The following ASH1L variants were observed in gnomAD, a reference collection of about 807,000 sequenced individuals.
The protein encoded by ASH1L is histone-lysine N-methyltransferase ASH1L.
A neutral mutation model predicts 269.0 loss-of-function variants in ASH1L; 23 were observed. The ratio of observed to expected loss-of-function variants is 0.09; its 90% CI spans 0.06 to 0.12. The LOEUF is 0.12. Ranked by LOEUF, ASH1L falls within the 10% of genes least tolerant of loss-of-function variation. ASH1L has a pLI of 1.00. For synonymous variants in ASH1L, 1,187 were observed against 1,253.5 expected (o/e 0.95, Z 1.12); for missense variants, 2,912 against 3,567.8 (o/e 0.82, Z 4.68).
intron 4 of ASH1L, among the ~76,000 whole-genome samples, chr1:155,456,624 A>G (rs1663882657): frequency 6.6e-6 from 1 of 152,118 alleles, no homozygotes; most frequent in African/African-American, 2.4e-5. Context: ...GCCAAATTCA[A>G]GTTCATATAT....
intron 16 of ASH1L, among the ~76,000 whole-genome samples, chr1:155,353,607 G>C (rs1654113029): frequency 6.6e-6 from 1 of 152,152 alleles, no homozygotes; most frequent in Non-Finnish European, 1.5e-5. Context: ...GATAATATCT[G>C]AACTCAGGAG....
chr1:155,455,826 G>T (rs898497281), intron 4 of ASH1L, among the ~76,000 whole-genome samples: 4 of 152,166 alleles, frequency 2.6e-5, no homozygotes, highest in Non-Finnish European at 4.4e-5. Flanking sequence ...ATCTGTAGGA[G>T]AGGCAGAGAA....
chr1:155,484,744 C>T (rs1035402655), intron 2 of ASH1L, among the ~76,000 whole-genome samples: 1 of 149,144 alleles, frequency 6.7e-6, no homozygotes, highest in Admixed American at 6.7e-5. Flanking sequence ...GCCTGGCCAA[C>T]ATGGTGAAAC....
At chr1:155,344,403 G>C (rs1653058613) in intron 21 of ASH1L, 130 bp from the exon 22 acceptor site, 1 of 669,570 alleles carries the variant, frequency 1.5e-6, no homozygotes, top group African/African-American at 1.8e-5. Flanking sequence ...ATACAAAAAA[G>C]ATGAAAGCAA....
intron 3 of ASH1L, among the ~76,000 whole-genome samples, chr1:155,466,380 A>G (rs900210543): frequency 3.9e-5 from 6 of 152,004 alleles, no homozygotes; most frequent in African/African-American, 1.5e-4. Context: ...ACAAAACAAA[A>G]CAAAAACTCT....
At chr1:155,361,768 G>C (rs1654970752) in intron 12 of ASH1L, among the ~76,000 whole-genome samples, 2 of 151,172 alleles carry the variant, frequency 1.3e-5, no homozygotes, top group South Asian at 2.1e-4. Flanking sequence ...AGCTACTTGG[G>C]AGGCTGAGGC....
At chr1:155,504,543 G>A (rs1301883531) in intron 2 of ASH1L, among the ~76,000 whole-genome samples, 1 of 151,936 alleles carries the variant, frequency 6.6e-6, no homozygotes, top group Non-Finnish European at 1.5e-5. Context: ...TAAAAGTCAG[G>A]TACTTATCTG....
At chr1:155,501,863 A>C (rs1273228120) in intron 2 of ASH1L, among the ~76,000 whole-genome samples, 1 of 151,930 alleles carries the variant, frequency 6.6e-6, no homozygotes, top group African/African-American at 2.4e-5. Context: ...GGGTTTCACC[A>C]TGTTGGCCAG....
intron 6 of ASH1L, among the ~76,000 whole-genome samples, chr1:155,412,426 C>A (rs1265288393): frequency 6.6e-6 from 1 of 151,730 alleles, no homozygotes; most frequent in East Asian, 1.9e-4. Flanking sequence ...ACAAACAAAA[C>A]CACAAAAAAC....
intron 5 of ASH1L, among the ~76,000 whole-genome samples, chr1:155,438,091 A>G (rs1662242682): frequency 6.6e-6 from 1 of 152,124 alleles, no homozygotes; most frequent in Non-Finnish European, 1.5e-5. Context: ...CAAGTGATCC[A>G]TCCACCTCGG....
Position 155,337,708 on chromosome 1 carries a change from T to C in ASH1L, c.8847A>G (p.Lys2949=). ...TYLLEEGSGR[K]LRRRTLFIPE... is the part of the protein sequence containing the mutation. ...GGATAAACAAAGTACGCCTTCGCAG[T>C]TTCCTGCCTGATCCTTCCTCCAGCA... The change falls in exon 28 of 28, where the codon AAA becomes AAG. Residue 2949 remains lysine, a synonymous_variant. Coordinates refer to ENST00000392403, the MANE Select transcript of ASH1L (RefSeq NM_018489.3). The C allele has an allele frequency of 1.2e-6, 2 of 1,614,086 alleles. No homozygotes were observed. Among genetic ancestry groups the C allele is most frequent in the Non-Finnish European group, 8.5e-7 (1 of 1,179,928 alleles).
chr1:155,489,272 A>T (rs1176312033), intron 2 of ASH1L, among the ~76,000 whole-genome samples: 5 of 151,856 alleles, frequency 3.3e-5, no homozygotes, highest in African/African-American at 1.2e-4. Flanking sequence ...GGAGTTTGAG[A>T]CCAGCCTGAT....
At chr1:155,352,133 A>G (rs566479732) in intron 17 of ASH1L, among the ~76,000 whole-genome samples, 1 of 152,030 alleles carries the variant, frequency 6.6e-6, no homozygotes, top group Non-Finnish European at 1.5e-5. Context: ...TGGTAGACAT[A>G]CTTACTGCAG....
At chr1:155,501,729 C>T (rs1029675686) in intron 2 of ASH1L, among the ~76,000 whole-genome samples, 7 of 152,246 alleles carry the variant, frequency 4.6e-5, no homozygotes, top group African/African-American at 1.7e-4. Flanking sequence ...GTGGCGCAAT[C>T]TCGGCTCACT....
chr1:155,493,400 T>C (rs1164243698), intron 2 of ASH1L, among the ~76,000 whole-genome samples: 7 of 152,252 alleles, frequency 4.6e-5, no homozygotes, highest in Non-Finnish European at 2.9e-5. Flanking sequence ...TATTTATATC[T>C]ATATAAATCC....
chr1:155,429,511 G>T (rs752931759), intron 5 of ASH1L, among the ~76,000 whole-genome samples: 7 of 152,210 alleles, frequency 4.6e-5, no homozygotes, highest in Middle Eastern at 6.8e-3. Context: ...CGATCCACAC[G>T]CCTCGGCTTC....
At position 155,480,699 on chromosome 1, in the gene ASH1L, GCCA is replaced by G. The variant is rs751502402; in HGVS notation, c.2168_2170del (p.Val723del). On this transcript the variant is annotated inframe_deletion, in exon 3 of 28. Transcript: ENST00000392403. ...TTTTGGAGACCGGCATGTGCTTCTT[GCCA>G]CCACTTTAGTCCACCGAGGTTTTCT... The G allele has an allele frequency of 2.2e-5, 36 of 1,613,388 alleles. No homozygotes were observed. The highest frequency in any genetic ancestry group is 2.9e-5 in the Non-Finnish European group (34 of 1,179,916).
intron 5 of ASH1L, among the ~76,000 whole-genome samples, chr1:155,430,293 T>C (rs1661504654): frequency 6.6e-6 from 1 of 152,080 alleles, no homozygotes; most frequent in South Asian, 2.1e-4. Context: ...GTATTCTCTT[T>C]AGATGTATCC....
chr1:155,393,197 T>C (rs1010210637), intron 7 of ASH1L, among the ~76,000 whole-genome samples: 1 of 152,184 alleles, frequency 6.6e-6, no homozygotes, highest in Non-Finnish European at 1.5e-5. Context: ...TGTAACTTCA[T>C]GTTGTAGTTA....
Sources: gnomAD v4.1 joint callset for allele counts (sites outside exome capture counted in the v4.1 genomes callset) on GRCh38, gnomAD v4.1.1 for gene constraint, MANE v1.5 for transcripts, NCBI Gene and HGNC (gene_info 2026-07-23, HGNC 2026-07-21) for gene names.